Variants in IL1RN observed in about 807,000 individuals in gnomAD.
IL1RN encodes interleukin-1 receptor antagonist protein.
IL1RN carries 10 observed loss-of-function variants against 13.7 expected under a neutral mutation model. The observed-to-expected ratio is 0.73, with a 90% CI of 0.45 to 1.24. The LOEUF (loss-of-function observed/expected upper bound fraction) is 1.24. Ranked by LOEUF, IL1RN falls within the 50% of genes most tolerant of loss-of-function variation. The pLI is 0.00. For missense variants in IL1RN, 213 were observed against 222.1 expected (o/e 0.96, Z 0.26); for synonymous variants, 102 against 82.7 (o/e 1.23, Z -1.27).
the IL1RN span, among the ~76,000 whole-genome samples, chr2:113,101,022 A>G: frequency 1.3e-5 from 2 of 152,346 alleles, no homozygotes; most frequent in South Asian, 2.1e-4. Flanking sequence ...TTTGAATTCC[A>G]GCTTATATAG....
At chr2:113,124,736 C>T (rs892449924), upstream of IL1RN, among the ~76,000 whole-genome samples, 4 of 152,108 alleles carry the variant, frequency 2.6e-5, no homozygotes, top group African/African-American at 9.7e-5. Context: ...GAAACTGAGA[C>T]CAAGACAGGC....
the IL1RN span, among the ~76,000 whole-genome samples, chr2:113,101,124 C>T: frequency 2.6e-5 from 4 of 152,214 alleles, no homozygotes; most frequent in African/African-American, 9.6e-5. Flanking sequence ...TGTGGAAAGG[C>T]GAAATGTCAG....
intron 1 of IL1RN, chr2:113,119,945 G>A: frequency 1.2e-6 from 1 of 800,450 alleles, no homozygotes; most frequent in Non-Finnish European, 2.2e-6. Flanking sequence ...GGTGAGAACA[G>A]AGGGTAAAGG....
upstream of IL1RN, chr2:113,127,495 C>G (rs1447514570): frequency 6.9e-7 from 1 of 1,449,740 alleles, no homozygotes; most frequent in Non-Finnish European, 9.0e-7. Flanking sequence ...TTTGGAAATG[C>G]GAGGAGGGTA....
upstream of IL1RN, among the ~76,000 whole-genome samples, chr2:113,106,582 A>G (rs1425500821): frequency 6.6e-6 from 1 of 152,162 alleles, no homozygotes; most frequent in East Asian, 1.9e-4. Flanking sequence ...GAGGGTCAAT[A>G]TTATAAATAA....
At chr2:113,118,636 T>G (rs315919) in intron 1 of IL1RN, among the ~76,000 whole-genome samples, 84,162 of 152,124 alleles carry the variant, frequency 0.55, 23,487 homozygotes, top group Middle Eastern at 0.61. Context: ...AATATTTAAA[T>G]TATAAGCTGC....
At chr2:113,100,146 C>T in the IL1RN span, among the ~76,000 whole-genome samples, 2 of 149,792 alleles carry the variant, frequency 1.3e-5, no homozygotes, top group South Asian at 4.3e-4. Context: ...CATGGTGAAA[C>T]CCCGTCTCTA....
upstream of IL1RN, among the ~76,000 whole-genome samples, chr2:113,107,818 T>C (rs1343452566): frequency 6.6e-6 from 1 of 152,214 alleles, no homozygotes; most frequent in Non-Finnish European, 1.5e-5. Flanking sequence ...GATTACTTCC[T>C]AAACGAATAT....
At chr2:113,124,438 AGC>A (rs1491340532), upstream of IL1RN, among the ~76,000 whole-genome samples, 1 of 120,062 alleles carries the variant, frequency 8.3e-6, no homozygotes, top group East Asian at 3.5e-4. Flanking sequence ...AGTGATTGAC[AGC>A]CCCCCCCCTT....
At chr2:113,117,026 C>T (rs1215446482), upstream of IL1RN, among the ~76,000 whole-genome samples, 4 of 152,222 alleles carry the variant, frequency 2.6e-5, no homozygotes. Context: ...TGCCACTGCT[C>T]CCCATCAACT....
At chr2:113,126,209 T>C (rs1183214032), upstream of IL1RN, among the ~76,000 whole-genome samples, 1 of 152,204 alleles carries the variant, frequency 6.6e-6, no homozygotes, top group Non-Finnish European at 1.5e-5. Context: ...AAGGGGGTGA[T>C]GTATATTAAC....
At chr2:113,119,002 A>C (rs183735847) in intron 1 of IL1RN, among the ~76,000 whole-genome samples, 36 of 152,274 alleles carry the variant, frequency 2.4e-4, no homozygotes, top group Non-Finnish European at 4.1e-4. Flanking sequence ...ACACCACTGC[A>C]CTCCAGTCTG....
intron 2 of IL1RN, chr2:113,129,958 C>G: frequency 2.4e-6 from 1 of 419,612 alleles, no homozygotes; most frequent in East Asian, 4.8e-5. Flanking sequence ...TGACCATTCC[C>G]TTCCTCAAGT....
chr2:113,125,019 G>T (rs984012870), upstream of IL1RN, among the ~76,000 whole-genome samples: 2 of 152,166 alleles, frequency 1.3e-5, no homozygotes, highest in African/African-American at 2.4e-5. Flanking sequence ...TACTTGAAAC[G>T]CTGTCTGAAG....
At chr2:113,117,983 A>G (rs1482678241) in exon 1 of IL1RN, 1 of 1,235,296 alleles carries the variant, frequency 8.1e-7, no homozygotes, top group African/African-American at 1.5e-5. Flanking sequence ...AGTCTGGAAG[A>G]CCTCAGAAGA....
upstream of IL1RN, among the ~76,000 whole-genome samples, chr2:113,103,426 A>T (rs954411029): frequency 4.6e-5 from 7 of 152,234 alleles, no homozygotes; most frequent in Non-Finnish European, 1.0e-4. Flanking sequence ...CAAAATAGGG[A>T]CACAGGAGAT....
At chr2:113,124,246 G>A (rs576448487), upstream of IL1RN, among the ~76,000 whole-genome samples, 306 of 152,220 alleles carry the variant, frequency 2.0e-3, 1 homozygote, top group Non-Finnish European at 3.3e-3. Context: ...AGCAGAACTC[G>A]GGGGGTGCTG....
At chr2:113,107,237 A>C (rs1686400524), upstream of IL1RN, 1 of 152,256 alleles carries the variant, frequency 6.6e-6, no homozygotes, top group South Asian at 2.1e-4. Flanking sequence ...AGCTTTTACA[A>C]AGGATAAATG....
Position 113,129,568 on chromosome 2 carries a change from CT to C in IL1RN, c.117-4del. 6.3e-7 allele frequency: 1 copy of C among 1,594,928 alleles called. No individual in the cohort carries two copies. The highest frequency in any genetic ancestry group is 1.1e-5 in the South Asian group (1 of 90,644). On this transcript the variant is annotated splice_region_variant and splice_polypyrimidine_tract_variant and intron_variant, in intron 1 of 3. Coordinates refer to ENST00000409930, the MANE Select transcript of IL1RN (RefSeq NM_173842.3). ...TGTGCACTACAGCTGAGTCCTTTTC[CT>C]TTTCAGAATCTGGGATGTTAACCAG...
Sources: allele counts gnomAD v4.1 joint callset (sites outside exome capture counted in the v4.1 genomes callset), GRCh38; gene constraint gnomAD v4.1.1; transcripts MANE v1.5; gene names NCBI Gene and HGNC (gene_info 2026-07-23, HGNC 2026-07-21).